CSMD1: variants seen among roughly 807,000 people sequenced by gnomAD.
CSMD1 encodes the protein CUB and sushi domain-containing protein 1.
CSMD1 carries 213 observed loss-of-function variants against 417.5 expected under a neutral mutation model. The ratio of observed to expected loss-of-function variants is 0.51; its 90% CI spans 0.46 to 0.57. CSMD1 has a LOEUF of 0.57. Among genes scored for constraint, CSMD1 ranks in the 20% least tolerant of loss-of-function variants. CSMD1 has a pLI of 0.00. For missense variants in CSMD1, 6,923 were observed against 4,529.7 expected (o/e 1.53, Z -15.17); for synonymous variants, 2,862 against 1,736.8 (o/e 1.65, Z -16.11).
intron 5 of CSMD1, among the ~76,000 whole-genome samples, chr8:3,820,217 CA>C (rs1801650787): frequency 6.6e-6 from 1 of 152,034 alleles, no homozygotes; most frequent in Non-Finnish European, 1.5e-5. Context: ...TTGTTGAGGT[CA>C]GGGGTCAGCC....
At chr8:3,283,291 G>A (rs1031710478) in intron 26 of CSMD1, among the ~76,000 whole-genome samples, 2 of 152,128 alleles carry the variant, frequency 1.3e-5, no homozygotes, top group Non-Finnish European at 2.9e-5. Flanking sequence ...CATAAAGAAA[G>A]TGTCAGACTG....
At chr8:4,813,111 T>C (rs1415207675) in intron 1 of CSMD1, among the ~76,000 whole-genome samples, 1 of 152,210 alleles carries the variant, frequency 6.6e-6, no homozygotes, top group African/African-American at 2.4e-5. Flanking sequence ...AGAAAAACTA[T>C]TTCTAAAAAT....
At chr8:4,390,707 G>A (rs564419641) in intron 3 of CSMD1, among the ~76,000 whole-genome samples, 1 of 151,590 alleles carries the variant, frequency 6.6e-6, no homozygotes, top group African/African-American at 2.4e-5. Flanking sequence ...TAGAGACGGG[G>A]TTTCACCATG....
chr8:3,013,546 T>C (rs912099680), intron 52 of CSMD1, among the ~76,000 whole-genome samples: 1 of 151,886 alleles, frequency 6.6e-6, no homozygotes. Flanking sequence ...AGGTCAGGAG[T>C]TCCAGACCAG....
intron 52 of CSMD1, among the ~76,000 whole-genome samples, chr8:3,013,070 T>G (rs907633516): frequency 5.3e-5 from 8 of 152,176 alleles, no homozygotes; most frequent in African/African-American, 1.9e-4. Flanking sequence ...CAGGTGGAAC[T>G]GTGAGTGCAT....
intron 3 of CSMD1, among the ~76,000 whole-genome samples, chr8:4,138,946 A>T (rs1803606195): frequency 6.6e-6 from 1 of 152,202 alleles, no homozygotes; most frequent in Non-Finnish European, 1.5e-5. Flanking sequence ...AATATTAACA[A>T]ACATTGTCGA....
intron 26 of CSMD1, among the ~76,000 whole-genome samples, chr8:3,233,176 C>T (rs997171203): frequency 2.0e-4 from 30 of 151,820 alleles, no homozygotes; most frequent in Admixed American, 4.6e-4. Context: ...CAAAAACTTA[C>T]GTTGAAATGT....
chr8:3,801,931 T>A (rs1376643637), intron 5 of CSMD1, among the ~76,000 whole-genome samples: 2 of 151,548 alleles, frequency 1.3e-5, no homozygotes, highest in African/African-American at 4.9e-5. Flanking sequence ...GGGTGGGGAG[T>A]CAGGGTAGAA....
intron 12 of CSMD1, among the ~76,000 whole-genome samples, chr8:3,459,190 C>G (rs1816338660): frequency 1.3e-5 from 2 of 152,232 alleles, no homozygotes; most frequent in East Asian, 1.9e-4. Flanking sequence ...AATTCAGTGA[C>G]TTGCTCTGTG....
At chr8:4,592,043 C>A (rs1166266219) in intron 2 of CSMD1, among the ~76,000 whole-genome samples, 3 of 152,024 alleles carry the variant, frequency 2.0e-5, no homozygotes, top group East Asian at 3.9e-4. Context: ...TTCTTATGGA[C>A]CATTGCATCT....
At chr8:3,075,709 G>A (rs983964678) in intron 49 of CSMD1, among the ~76,000 whole-genome samples, 1 of 151,822 alleles carries the variant, frequency 6.6e-6, no homozygotes, top group Non-Finnish European at 1.5e-5. Flanking sequence ...TATATTTCTG[G>A]ACTATGTAAA....
chr8:4,354,933 T>C (rs1201734103), intron 3 of CSMD1, among the ~76,000 whole-genome samples: 1 of 146,466 alleles, frequency 6.8e-6, no homozygotes, highest in Non-Finnish European at 1.5e-5. Context: ...ATTTTCAGGT[T>C]GAAAGAAACC....
Position 4,286,249 on chromosome 8 carries a change from C to A in CSMD1, c.415+133704G>T, listed in dbSNP as rs533475229. 3.9e-5 allele frequency among the ~76,000 whole-genome samples: 6 copies of A among 152,266 alleles called. No individual in the cohort carries two copies. In the East Asian group the frequency reaches 1.2e-3, roughly 29 times the overall value. ...TGCCAAGCTCCATTGCGTCTCTCCG[C>A]CATGCTCTCCATGTCTCACTTGCTT... On this transcript the variant is annotated intron_variant, in intron 3 of 69. Transcript: ENST00000635120.
chr8:4,032,832 C>A (rs1334111501), intron 3 of CSMD1, among the ~76,000 whole-genome samples: 1 of 152,136 alleles, frequency 6.6e-6, no homozygotes, highest in Non-Finnish European at 1.5e-5. Context: ...ATGGACACAT[C>A]CTCTCAGCCA....
chr8:4,477,317 G>A (rs956293070), intron 2 of CSMD1, among the ~76,000 whole-genome samples: 6 of 152,260 alleles, frequency 3.9e-5, no homozygotes, highest in African/African-American at 7.2e-5. Context: ...GGAAGCCGAG[G>A]CGTTGGTGCT....
chr8:3,291,672 A>G (rs538092168), intron 25 of CSMD1, among the ~76,000 whole-genome samples: 2 of 152,002 alleles, frequency 1.3e-5, no homozygotes, highest in East Asian at 1.9e-4. Context: ...CGGTGGTGAT[A>G]TTACCTTTAT....
chr8:3,513,338 A>ATTTT lies in CSMD1; in HGVS notation c.1345-19616_1345-19613dup, dbSNP rs56387019. Among the ~76,000 whole-genome samples the ATTTT allele has an allele frequency of 4.9e-4, 70 of 141,590 alleles. 1 individual carries two copies. Among genetic ancestry groups the ATTTT allele is most frequent in the Middle Eastern group, 7.5e-3 (2 of 266 alleles). The allele number at this position is 141,590 out of a possible 152,430, so 92.9% of individuals were successfully genotyped here. On this transcript the variant is annotated intron_variant, in intron 10 of 69. Coordinates refer to ENST00000635120, the MANE Select transcript of CSMD1 (RefSeq NM_033225.6). ...TCCTGGCTTTGTCACTTGCCCACAG[A>ATTTT]TTTTTTTTTTTTTTTGAGATGGAGT...
At chr8:4,824,581 G>A (rs899534973) in intron 1 of CSMD1, among the ~76,000 whole-genome samples, 1 of 152,170 alleles carries the variant, frequency 6.6e-6, no homozygotes, top group African/African-American at 2.4e-5. Flanking sequence ...AAACAAGACA[G>A]TCTTTCAATT....
At chr8:4,151,224 T>A (rs971764693) in intron 3 of CSMD1, among the ~76,000 whole-genome samples, 1 of 152,186 alleles carries the variant, frequency 6.6e-6, no homozygotes, top group Non-Finnish European at 1.5e-5. Context: ...ATATCAAGTA[T>A]AAATACGGTG....
Sources: allele counts gnomAD v4.1 joint callset (sites outside exome capture counted in the v4.1 genomes callset), GRCh38; gene constraint gnomAD v4.1.1; transcripts MANE v1.5; gene names NCBI Gene and HGNC (gene_info 2026-07-23, HGNC 2026-07-21).